SH3GL3: variants seen among roughly 807,000 people sequenced by gnomAD.
SH3GL3 encodes the protein SH3 domain containing GRB2 like 3, endophilin A3.
A neutral mutation model predicts 47.7 loss-of-function variants in SH3GL3; 33 were observed. That is an observed-to-expected ratio of 0.69 (90% CI 0.52 to 0.92). The LOEUF (loss-of-function observed/expected upper bound fraction) is 0.92, where lower values mean the gene tolerates loss of function less well. SH3GL3 is among the 40% of genes least tolerant of loss of function. SH3GL3 has a pLI of 0.00. For missense variants in SH3GL3, 363 were observed against 417.8 expected (o/e 0.87, Z 1.14); for synonymous variants, 155 against 148.8 (o/e 1.04, Z -0.30).
intron 6 of SH3GL3, among the ~76,000 whole-genome samples, chr15:83,584,518 C>T (rs1315083102): frequency 1.3e-5 from 2 of 152,210 alleles, no homozygotes; most frequent in African/African-American, 4.8e-5. Context: ...CAAGTTGCTT[C>T]TTCACAGCCC....
intron 1 of SH3GL3, among the ~76,000 whole-genome samples, chr15:83,511,074 T>C (rs368437792): frequency 2.0e-5 from 3 of 152,160 alleles, no homozygotes; most frequent in Non-Finnish European, 4.4e-5. Context: ...CACACCAACA[T>C]GGCACATGTA....
At chr15:83,570,081 A>G (rs1382545120) in intron 4 of SH3GL3, among the ~76,000 whole-genome samples, 1 of 152,168 alleles carries the variant, frequency 6.6e-6, no homozygotes, top group Non-Finnish European at 1.5e-5. Flanking sequence ...AATCTTTTTC[A>G]TCCCACTCCC....
chr15:83,502,936 G>T (rs2042352998), intron 1 of SH3GL3, among the ~76,000 whole-genome samples: 1 of 152,208 alleles, frequency 6.6e-6, no homozygotes, highest in South Asian at 2.1e-4. Flanking sequence ...GTGACCAGAG[G>T]CTTGAAAGAA....
At chr15:83,582,582 C>T (rs1341349412) in intron 6 of SH3GL3, among the ~76,000 whole-genome samples, 1 of 152,154 alleles carries the variant, frequency 6.6e-6, no homozygotes, top group African/African-American at 2.4e-5. Flanking sequence ...CGGTTCCTAA[C>T]AGAAAATACA....
chr15:83,497,066 C>G (rs940784832), intron 1 of SH3GL3, among the ~76,000 whole-genome samples: 3 of 152,164 alleles, frequency 2.0e-5, no homozygotes, highest in African/African-American at 7.2e-5. Context: ...GTCTTCTCTG[C>G]TATACAGGGT....
intron 1 of SH3GL3, among the ~76,000 whole-genome samples, chr15:83,511,584 G>A (rs2042751551): frequency 1.3e-5 from 2 of 151,970 alleles, no homozygotes; most frequent in Non-Finnish European, 2.9e-5. Context: ...CTTTGTATAC[G>A]GTAATAATAA....
At chr15:83,482,420 G>T (rs988176082) in intron 1 of SH3GL3, among the ~76,000 whole-genome samples, 2 of 151,300 alleles carry the variant, frequency 1.3e-5, no homozygotes, top group African/African-American at 4.8e-5. Flanking sequence ...TGTTATTAAT[G>T]TATACTGCCT....
intron 8 of SH3GL3, among the ~76,000 whole-genome samples, chr15:83,614,015 A>C (rs757202530): frequency 2.0e-5 from 3 of 152,198 alleles, no homozygotes; most frequent in Non-Finnish European, 4.4e-5. Context: ...GAGAAATGCT[A>C]AAAGAATAAT....
intron 1 of SH3GL3, among the ~76,000 whole-genome samples, chr15:83,518,071 G>C (rs900516771): frequency 6.6e-6 from 1 of 152,134 alleles, no homozygotes; most frequent in African/African-American, 2.4e-5. Flanking sequence ...TTGCTGCAAA[G>C]GACATTATTT....
At chr15:83,493,776 G>A (rs573358576) in intron 1 of SH3GL3, among the ~76,000 whole-genome samples, 115 of 151,374 alleles carry the variant, frequency 7.6e-4, no homozygotes, top group African/African-American at 2.6e-3. Context: ...GGGCGGGAGG[G>A]AGGGTGAGCC....
chr15:83,477,327 T>C (rs1389892970), intron 1 of SH3GL3, among the ~76,000 whole-genome samples: 1 of 152,210 alleles, frequency 6.6e-6, no homozygotes, highest in African/African-American at 2.4e-5. Context: ...CAACTTCATC[T>C]TGCCTTCTCC....
intron 1 of SH3GL3, among the ~76,000 whole-genome samples, chr15:83,516,302 T>C (rs1403879122): frequency 6.6e-6 from 1 of 152,186 alleles, no homozygotes; most frequent in Non-Finnish European, 1.5e-5. Flanking sequence ...GAAGCTCCCA[T>C]GTACCCTTTT....
intron 1 of SH3GL3, among the ~76,000 whole-genome samples, chr15:83,457,263 C>G (rs1221943704): frequency 6.6e-6 from 1 of 152,220 alleles, no homozygotes. Context: ...CTCTCCTTCT[C>G]TCCCAAGACT....
rs1378751389 is a variant in SH3GL3, at chr15:83,455,992, A to C, written c.45+8414A>C. ...TGATGTACAGATGGGTTTTCGGTGT[A>C]GATGTCCTTTCTGGTTGTTAGTTTT... On this transcript the variant is annotated intron_variant, in intron 1 of 8. Coordinates refer to ENST00000427482, the MANE Select transcript of SH3GL3 (RefSeq NM_003027.5). 4.3e-4 allele frequency among the ~76,000 whole-genome samples: 23 copies of C among 53,694 alleles called. 3 individuals are homozygous for C. Among genetic ancestry groups the C allele is most frequent in the Admixed American group, 1.4e-3 (8 of 5,674 alleles). 35.2% of individuals were successfully genotyped at this position (53,694 alleles called of 152,430 possible).
At chr15:83,501,008 A>G (rs1045857420) in intron 1 of SH3GL3, among the ~76,000 whole-genome samples, 1 of 152,194 alleles carries the variant, frequency 6.6e-6, no homozygotes, top group Non-Finnish European at 1.5e-5. Flanking sequence ...TCCTCTGTGT[A>G]TCCCTGAAAC....
At chr15:83,539,203 A>C (rs1291427940) in intron 1 of SH3GL3, among the ~76,000 whole-genome samples, 2 of 152,194 alleles carry the variant, frequency 1.3e-5, no homozygotes, top group East Asian at 3.9e-4. Flanking sequence ...ACCATAGACT[A>C]AATGGTTTAA....
chr15:83,596,241 G>A (rs2060234915), intron 8 of SH3GL3, among the ~76,000 whole-genome samples: 1 of 152,000 alleles, frequency 6.6e-6, no homozygotes, highest in Non-Finnish European at 1.5e-5. Context: ...AAGATACTTT[G>A]TATGAATCAT....
chr15:83,593,092 T>G (rs2060150266), intron 8 of SH3GL3, among the ~76,000 whole-genome samples: 1 of 152,264 alleles, frequency 6.6e-6, no homozygotes, highest in Non-Finnish European at 1.5e-5. Flanking sequence ...GTTGTCTTGA[T>G]GACTGTAGCT....
At chr15:83,508,974 A>C (rs751948910) in intron 1 of SH3GL3, among the ~76,000 whole-genome samples, 1 of 152,214 alleles carries the variant, frequency 6.6e-6, no homozygotes, top group African/African-American at 2.4e-5. Flanking sequence ...GACTGATTAG[A>C]GGCGATTGTA....
Sources: gnomAD v4.1 joint callset for allele counts (sites outside exome capture counted in the v4.1 genomes callset) on GRCh38, gnomAD v4.1.1 for gene constraint, MANE v1.5 for transcripts, NCBI Gene and HGNC (gene_info 2026-07-23, HGNC 2026-07-21) for gene names.